SLC30A6: variants seen among roughly 807,000 people sequenced by gnomAD.
SLC30A6 encodes solute carrier family 30 member 6.
A neutral mutation model predicts 63.0 loss-of-function variants in SLC30A6; 55 were observed. The ratio of observed to expected loss-of-function variants is 0.87; its 90% CI spans 0.70 to 1.09. SLC30A6 has a LOEUF of 1.09. Ranked by LOEUF, SLC30A6 falls within the 50% of genes least tolerant of loss-of-function variation. The pLI, the probability that SLC30A6 is intolerant of heterozygous loss-of-function variation, is 0.00. For missense variants in SLC30A6, 587 were observed against 549.2 expected, an observed-to-expected ratio of 1.07 and a Z score of -0.69; for synonymous variants, 224 against 186.1, an observed-to-expected ratio of 1.20 and a Z score of -1.66.
intron 10 of SLC30A6, chr2:32,203,904 TC>T: frequency 1.1e-6 from 1 of 888,202 alleles, no homozygotes; most frequent in Non-Finnish European, 1.9e-6. Context: ...TTAGACAGAG[TC>T]CACAAGGGAG....
intron 4 of SLC30A6, among the ~76,000 whole-genome samples, chr2:32,179,454 A>G (rs565225265): frequency 6.6e-6 from 1 of 152,340 alleles, no homozygotes; most frequent in Admixed American, 6.5e-5. Flanking sequence ...ACCATACAGC[A>G]GAATTACTTG....
chr2:32,170,603 C>G (rs1681114178), intron 1 of SLC30A6, among the ~76,000 whole-genome samples: 1 of 152,130 alleles, frequency 6.6e-6, no homozygotes, highest in South Asian at 2.1e-4. Context: ...GTTGCCTGAA[C>G]TTACTTTCTT....
At position 32,220,355 on chromosome 2, in the gene SLC30A6, C is replaced by G; in HGVS notation, c.1028C>G (p.Ser343Cys). 1 of 1,614,210 alleles carries G rather than the reference C, an allele frequency of 6.2e-7. No individual in the cohort carries two copies. Among genetic ancestry groups the G allele is most frequent in the Non-Finnish European group, 8.5e-7 (1 of 1,180,040 alleles). ...KDDWIRPALL[S>C]GPVAANVLNF... The stretch of plus-strand genomic sequence containing the variant: ...GACTGGATTAGGCCTGCCTTATTGT[C>G]TGGGCCTGTTGCAGCCAATGTCCTA... The change falls in exon 14 of 14, where the codon TCT (serine) becomes TGT (cysteine). Residue 343 changes from serine (S) to cysteine (C), a missense_variant. Physicochemically the swap from Ser to Cys is moderately radical, Grantham distance 112. Transcript: ENST00000282587.
intron 10 of SLC30A6, among the ~76,000 whole-genome samples, chr2:32,198,691 C>G (rs1017456628): frequency 6.6e-6 from 1 of 152,156 alleles, no homozygotes; most frequent in Non-Finnish European, 1.5e-5. Flanking sequence ...TCAAGCAATT[C>G]TCCTGCCTCA....
At chr2:32,192,089 G>A (rs1228224044) in intron 5 of SLC30A6, among the ~76,000 whole-genome samples, 1 of 150,912 alleles carries the variant, frequency 6.6e-6, no homozygotes, top group Non-Finnish European at 1.5e-5. Flanking sequence ...GAAAGCCTCT[G>A]ACATGGGCTG....
intron 10 of SLC30A6, chr2:32,203,616 A>G: frequency 6.3e-7 from 1 of 1,584,764 alleles, no homozygotes; most frequent in Non-Finnish European, 8.7e-7. Context: ...GTGCTTGGAA[A>G]GAACTTAACA....
chr2:32,167,330 C>T (rs1244913786), intron 1 of SLC30A6, among the ~76,000 whole-genome samples: 1 of 140,852 alleles, frequency 7.1e-6, no homozygotes, highest in Non-Finnish European at 1.6e-5. Flanking sequence ...CCGCCTCTGC[C>T]TCCCAAAGTG....
At position 32,171,316 on chromosome 2, in the gene SLC30A6, A is replaced by G. The variant is rs764083767; in HGVS notation, c.33A>G (p.Gln11=). ...CAATTCATCTCTTTCGAAAACCACA[A>G]AGATCCTTTTTTGGCAAGTTGTTAC... is the stretch of plus-strand genomic sequence containing the variant. MGTIHLFRKP[Q]RSFFGKLLRE... The change falls in exon 2 of 14, where the codon CAA becomes CAG. Residue 11 remains glutamine (Q), a synonymous_variant. Transcript: ENST00000282587. The G allele has an allele frequency of 8.1e-6, 13 of 1,613,822 alleles. No homozygotes were observed. Among genetic ancestry groups the G allele is most frequent in the Non-Finnish European group, 8.5e-6 (10 of 1,179,826 alleles).
At chr2:32,171,408 C>A in intron 2 of SLC30A6, 35 bp downstream of exon 2, 1 of 1,484,776 alleles carries the variant, frequency 6.7e-7, no homozygotes, top group Non-Finnish European at 9.4e-7. Context: ...TTAATTATTG[C>A]ACAAACAACA....
intron 5 of SLC30A6, among the ~76,000 whole-genome samples, chr2:32,188,073 C>T (rs1481844942): frequency 1.3e-5 from 2 of 152,112 alleles, no homozygotes; most frequent in African/African-American, 4.8e-5. Flanking sequence ...ATGATCAGGA[C>T]CCTGCCTACT....
intron 5 of SLC30A6, among the ~76,000 whole-genome samples, chr2:32,186,866 G>C (rs1319416305): frequency 6.6e-6 from 1 of 150,862 alleles, no homozygotes; most frequent in Non-Finnish European, 1.5e-5. Flanking sequence ...GTGTGGTGGG[G>C]CGTGCCTGCA....
rs1490658838 is a variant in SLC30A6 at position 32,171,353 on chromosome 2, C to G, written c.70C>G (p.Leu24Val). ...TGGCAAGTTGTTACGGGAATTTAGACTTGTAGCAGCTGACCGAAGGGTAAG... is the reference window on the plus strand; with the variant it reads ...TGGCAAGTTGTTACGGGAATTTAGAGTTGTAGCAGCTGACCGAAGGGTAAG... ...FFGKLLREFR[L>V]VAADRRSWKI... Residue 24 changes from leucine (L) to valine (V), a missense_variant, in exon 2 of 14, where the codon CTT (leucine) becomes GTT (valine). Physicochemically the swap from Leu to Val is conservative, Grantham distance 32. Transcript: ENST00000282587. 2 of 1,613,492 alleles carry G rather than the reference C, an allele frequency of 1.2e-6. No individual in the cohort carries two copies. The highest frequency in any genetic ancestry group is 1.7e-6 in the Non-Finnish European group (2 of 1,179,714).
In SLC30A6 at chr2:32,223,827, G is replaced by A. The variant is rs1686271480; in HGVS notation, c.*3114G>A. ...AAAAGATTAGGGCAGGGTACCCTTA[G>A]TTTATATAGGGTACAAAAGAATGGG... On this transcript the variant is annotated 3_prime_UTR_variant, in exon 14 of 14. Transcript: ENST00000282587. 6.6e-6 allele frequency: 1 copy of A among 152,146 alleles called. No homozygotes were observed. Among genetic ancestry groups the A allele is most frequent in the Admixed American group, 6.6e-5 (1 of 15,250 alleles). 9.4% of individuals were successfully genotyped at this position (152,146 alleles called of 1,614,324 possible). A position where few individuals can be genotyped will look rare whatever the true frequency, so the allele number is the denominator to read the frequency against.
At chr2:32,183,800 G>A (rs1682567840) in intron 4 of SLC30A6, among the ~76,000 whole-genome samples, 1 of 151,932 alleles carries the variant, frequency 6.6e-6, no homozygotes, top group Non-Finnish European at 1.5e-5. Context: ...TTGTTTTACA[G>A]TGAATCTACT....
chr2:32,211,204 T>A (rs998091652), intron 13 of SLC30A6, among the ~76,000 whole-genome samples: 1 of 152,126 alleles, frequency 6.6e-6, no homozygotes, highest in Non-Finnish European at 1.5e-5. Flanking sequence ...GCCTTCAGAG[T>A]TCGGGCAGCG....
intron 10 of SLC30A6, chr2:32,203,736 A>T: frequency 1.3e-6 from 2 of 1,524,670 alleles, no homozygotes; most frequent in Non-Finnish European, 1.8e-6. Context: ...GGTTACAGGC[A>T]GAGTGGCATG....
intron 2 of SLC30A6, among the ~76,000 whole-genome samples, chr2:32,171,629 C>T: frequency 6.6e-6 from 1 of 151,152 alleles, no homozygotes; most frequent in East Asian, 1.9e-4. Flanking sequence ...TTTGTGGTTG[C>T]TTTTTGTTAT....
At chr2:32,210,734 C>T (rs1685193124) in intron 13 of SLC30A6, among the ~76,000 whole-genome samples, 1 of 151,694 alleles carries the variant, frequency 6.6e-6, no homozygotes, top group East Asian at 1.9e-4. Flanking sequence ...ATGATATTAC[C>T]CACTTTGCAG....
chr2:32,207,167 A>T (rs1422125365), intron 12 of SLC30A6, among the ~76,000 whole-genome samples: 1 of 151,960 alleles, frequency 6.6e-6, no homozygotes. Context: ...TGGCCTAATG[A>T]CCACCCTATT....
Sources: gnomAD v4.1 joint callset for allele counts (sites outside exome capture counted in the v4.1 genomes callset) on GRCh38, gnomAD v4.1.1 for gene constraint, MANE v1.5 for transcripts, NCBI Gene and HGNC (gene_info 2026-07-23, HGNC 2026-07-21) for gene names.